The following FBLN7 variants were observed in gnomAD, a reference collection of about 807,000 sequenced individuals.
The protein encoded by FBLN7 is fibulin 7.
Under a neutral mutation model 44.0 loss-of-function variants are expected in FBLN7, and 31 were observed. That is an observed-to-expected ratio of 0.70 (90% CI 0.53 to 0.95). FBLN7 has a LOEUF of 0.95. Ranked by LOEUF, FBLN7 falls within the 40% of genes least tolerant of loss-of-function variation. The pLI is 0.00. For missense variants in FBLN7, 573 were observed against 618.5 expected, an observed-to-expected ratio of 0.93 and a Z score of 0.78; for synonymous variants, 262 against 253.4, an observed-to-expected ratio of 1.03 and a Z score of -0.32.
chr2:112,162,007 G>A (rs1681899437), intron 2 of FBLN7, among the ~76,000 whole-genome samples: 1 of 152,166 alleles, frequency 6.6e-6, no homozygotes, highest in Non-Finnish European at 1.5e-5. Context: ...ATGGCACATA[G>A]TGGGAAAACT....
At chr2:112,213,588 A>G in the FBLN7 span, 1 of 151,486 alleles carries the variant, frequency 6.6e-6, no homozygotes, top group Non-Finnish European at 1.5e-5. Flanking sequence ...CATCTTGGCT[A>G]ATACAGTGAA....
chr2:112,159,666 C>A lies in FBLN7; in HGVS notation c.76-10C>A. ...CAATGGGTGGTGGCGGCGATGTCTT[C>A]TCTCCGCAGAACTGTCTCAGCAAAC... On this transcript the variant is annotated splice_polypyrimidine_tract_variant and intron_variant, in intron 1 of 7. Coordinates refer to ENST00000331203, the MANE Select transcript of FBLN7 (RefSeq NM_153214.3). 4.0e-6 allele frequency: 6 copies of A among 1,516,800 alleles called. No homozygotes were observed. The highest frequency in any genetic ancestry group is 5.3e-6 in the Non-Finnish European group (6 of 1,125,564). 94.0% of individuals were successfully genotyped at this position (1,516,800 alleles called of 1,614,324 possible).
the FBLN7 span, among the ~76,000 whole-genome samples, chr2:112,203,816 G>A: frequency 6.6e-6 from 1 of 152,292 alleles, no homozygotes; most frequent in African/African-American, 2.4e-5. Flanking sequence ...AAATGAGGAA[G>A]ATGCAAAAGC....
chr2:112,189,107 G>C (rs1013661067), downstream of FBLN7: 1 of 152,082 alleles, frequency 6.6e-6, no homozygotes, highest in African/African-American at 2.4e-5. Context: ...TATGATGTGG[G>C]ATATATGTGG....
chr2:112,239,518 A>G, the FBLN7 span, among the ~76,000 whole-genome samples: 2 of 152,124 alleles, frequency 1.3e-5, no homozygotes, highest in Non-Finnish European at 2.9e-5. Flanking sequence ...CAAACAGACA[A>G]AAAACAAAAC....
In FBLN7 at chr2:112,187,594, C is replaced by T; in HGVS notation, c.*88C>T. The T allele has an allele frequency of 6.6e-7, 1 of 1,523,774 alleles. No individual in the cohort carries two copies. The highest frequency in any genetic ancestry group is 1.3e-5 in the South Asian group (1 of 79,968). 94.4% of individuals were successfully genotyped at this position (1,523,774 alleles called of 1,614,324 possible). ...TTCGGGCACCGACTGCGTGGAGCCT[C>T]CCGCCTGTTCCCGCCCTCTCACCAG... On this transcript the variant is annotated 3_prime_UTR_variant, in exon 8 of 8. Transcript: ENST00000331203. This position sits in a 1 kb window ranked among gnomAD's most constrained non-coding sequence, Gnocchi z 5.1.
At chr2:112,160,990 G>C (rs1558880881) in intron 2 of FBLN7, among the ~76,000 whole-genome samples, 3 of 152,184 alleles carry the variant, frequency 2.0e-5, no homozygotes, top group African/African-American at 7.2e-5. Context: ...GGGAGGGAAG[G>C]GCTGCTGAGG....
Position 112,138,552 on chromosome 2 carries a change from G to C in FBLN7, c.-104G>C, listed in dbSNP as rs1328340815. 1.4e-4 allele frequency: 206 copies of C among 1,435,698 alleles called. 1 individual carries two copies. Among genetic ancestry groups the C allele is most frequent in the Admixed American group, 2.2e-4 (11 of 49,456 alleles). 88.9% of individuals were successfully genotyped at this position (1,435,698 alleles called of 1,614,324 possible). ...TGCCCCAGCCGCCCCCCGGCCGCGC[G>C]GCGCCCCGCACCCTGCAGGGACGGC... On this transcript the variant is annotated 5_prime_UTR_variant, in exon 1 of 8. Transcript: ENST00000331203.
the FBLN7 span, chr2:112,212,549 C>T: frequency 6.6e-6 from 1 of 152,100 alleles, no homozygotes; most frequent in Admixed American, 6.5e-5. Context: ...ATCAAAATGG[C>T]TTCAACAATA....
downstream of FBLN7, chr2:112,190,392 C>T (rs1018499864): frequency 6.6e-6 from 1 of 152,174 alleles, no homozygotes; most frequent in Non-Finnish European, 1.5e-5. Flanking sequence ...ACACTCTCAT[C>T]AGTTATTTGG....
intron 4 of FBLN7, chr2:112,177,996 C>G (rs1223025002): frequency 7.5e-6 from 1 of 132,476 alleles, no homozygotes; most frequent in Non-Finnish European, 1.6e-5. Context: ...AACCCTGTCT[C>G]TACTAACAAT....
At chr2:112,138,873 C>T (rs1680490162) in intron 1 of FBLN7, 143 bp downstream of exon 1, 1 of 1,318,714 alleles carries the variant, frequency 7.6e-7, no homozygotes, top group Non-Finnish European at 1.0e-6. Flanking sequence ...TCCCTCCCGC[C>T]TCTCTCCAGG....
chr2:112,147,066 T>A (rs935445961), intron 1 of FBLN7, among the ~76,000 whole-genome samples: 4 of 152,216 alleles, frequency 2.6e-5, no homozygotes, highest in African/African-American at 9.6e-5. Context: ...CTGTGTTTTT[T>A]CTTTAGTCTG....
At chr2:112,156,265 G>T (rs1348982943) in intron 1 of FBLN7, among the ~76,000 whole-genome samples, 1 of 152,204 alleles carries the variant, frequency 6.6e-6, no homozygotes, top group Non-Finnish European at 1.5e-5. Context: ...GTCCATTGGG[G>T]TGGCCGGCGG....
chr2:112,187,060 G>T lies in FBLN7; in HGVS notation c.948-74G>T. 1 of 1,550,376 alleles carries T rather than the reference G, an allele frequency of 6.5e-7. No individual in the cohort carries two copies. The highest frequency in any genetic ancestry group is 2.3e-5 in the East Asian group (1 of 44,224). ...AGGTGGCCTCTGCAAGAGGGCAGGT[G>T]GGCAGCCGGGTCAGAGCAGCTCTTC... is the stretch of plus-strand genomic sequence containing the variant. On this transcript the variant is annotated intron_variant, in intron 7 of 7. Coordinates refer to ENST00000331203, the MANE Select transcript of FBLN7 (RefSeq NM_153214.3). This position sits in a 1 kb window ranked among gnomAD's most constrained non-coding sequence, Gnocchi z 5.1.
intron 1 of FBLN7, among the ~76,000 whole-genome samples, chr2:112,154,068 C>T (rs1681296659): frequency 6.6e-6 from 1 of 152,214 alleles, no homozygotes; most frequent in Non-Finnish European, 1.5e-5. Context: ...AACTGGTTCT[C>T]TGCAAACATT....
chr2:112,191,450 A>G (rs578091008), downstream of FBLN7, among the ~76,000 whole-genome samples: 4 of 152,340 alleles, frequency 2.6e-5, no homozygotes, highest in African/African-American at 7.2e-5. Flanking sequence ...TGCTGGGATT[A>G]CAGGCATAGC....
chr2:112,205,334 A>G, the FBLN7 span, among the ~76,000 whole-genome samples: 2 of 152,114 alleles, frequency 1.3e-5, no homozygotes, highest in African/African-American at 4.8e-5. Flanking sequence ...ATAAAATTCT[A>G]GCTTACCAGC....
At chr2:112,207,253 G>C in the FBLN7 span, among the ~76,000 whole-genome samples, 1 of 152,082 alleles carries the variant, frequency 6.6e-6, no homozygotes, top group South Asian at 2.1e-4. Context: ...GATCACCTGA[G>C]GTCAGGAGTT....
Sources: gnomAD v4.1 joint callset for allele counts (sites outside exome capture counted in the v4.1 genomes callset) on GRCh38, gnomAD v4.1.1 for gene constraint, Gnocchi (gnomAD v3.1) non-coding constraint, MANE v1.5 for transcripts, NCBI Gene and HGNC (gene_info 2026-07-23, HGNC 2026-07-21) for gene names.